Variants in PTPRD observed in about 807,000 individuals in gnomAD.
PTPRD encodes the protein protein tyrosine phosphatase receptor type D.
PTPRD carries 34 observed loss-of-function variants against 214.5 expected under a neutral mutation model. That is an observed-to-expected ratio of 0.16 (90% CI 0.12 to 0.21). The LOEUF is 0.21. Ranked by LOEUF, PTPRD falls within the 10% of genes least tolerant of loss-of-function variation. The pLI is 1.00. For synonymous variants in PTPRD, 1,128 were observed against 845.7 expected, an observed-to-expected ratio of 1.33 and a Z score of -5.79; for missense variants, 2,545 against 2,398.7, an observed-to-expected ratio of 1.06 and a Z score of -1.27.
chr9:9,521,689 G>C (rs1433734225), intron 8 of PTPRD, among the ~76,000 whole-genome samples: 1 of 152,108 alleles, frequency 6.6e-6, no homozygotes, highest in African/African-American at 2.4e-5. Context: ...ACATACACAT[G>C]TATGGTCAGA....
chr9:10,499,361 T>G (rs1201632176), intron 2 of PTPRD, among the ~76,000 whole-genome samples: 1 of 151,864 alleles, frequency 6.6e-6, no homozygotes, highest in East Asian at 1.9e-4. Context: ...ACTCGATAGA[T>G]TATTATTACT....
intron 39 of PTPRD, among the ~76,000 whole-genome samples, chr9:8,364,433 C>G (rs1291484759): frequency 6.6e-6 from 1 of 152,186 alleles, no homozygotes; most frequent in Non-Finnish European, 1.5e-5. Flanking sequence ...GAAGAGGTAA[C>G]AATAGCATCT....
At chr9:8,724,549 G>A (rs992415338) in intron 12 of PTPRD, among the ~76,000 whole-genome samples, 1 of 152,076 alleles carries the variant, frequency 6.6e-6, no homozygotes, top group Non-Finnish European at 1.5e-5. Flanking sequence ...TCCTATAGCA[G>A]CTTAAAAATA....
chr9:8,917,669 T>A (rs1269437681), intron 11 of PTPRD, among the ~76,000 whole-genome samples: 1 of 152,204 alleles, frequency 6.6e-6, no homozygotes, highest in East Asian at 1.9e-4. Flanking sequence ...TGCTCTAATT[T>A]TTCTGAATAT....
In PTPRD at chr9:8,316,678, T is replaced by TAACAAACA. The variant is rs549255282; in HGVS notation, c.*1188_*1195dup. The TAACAAACA allele has an allele frequency of 4.3e-6, 1 of 230,306 alleles. No individual in the cohort carries two copies. Among genetic ancestry groups the TAACAAACA allele is most frequent in the Non-Finnish European group, 8.6e-6 (1 of 116,120 alleles). The allele number at this position is 230,306 out of a possible 1,614,324, so 14.3% of individuals were successfully genotyped here. A position where few individuals can be genotyped will look rare whatever the true frequency, so the allele number is the denominator to read the frequency against. ...TATTGAACTTTGTTGGAAGCCTGAC[T>TAACAAACA]AACAAACAAACAAAACAATTTGTGG... On this transcript the variant is annotated 3_prime_UTR_variant, in exon 46 of 46. Coordinates refer to ENST00000381196, the MANE Select transcript of PTPRD (RefSeq NM_002839.4).
intron 12 of PTPRD, among the ~76,000 whole-genome samples, chr9:8,725,001 A>G (rs1384600438): frequency 2.0e-5 from 3 of 152,142 alleles, no homozygotes; most frequent in African/African-American, 7.2e-5. Context: ...TCTAAATAAC[A>G]CATGTAGTTT....
intron 7 of PTPRD, among the ~76,000 whole-genome samples, chr9:9,720,865 G>A (rs1292478319): frequency 2.0e-5 from 3 of 152,130 alleles, no homozygotes; most frequent in South Asian, 4.1e-4. Flanking sequence ...AGTGGAGGAT[G>A]TTATCCTTAG....
At chr9:10,540,800 A>G (rs180812405) in intron 2 of PTPRD, among the ~76,000 whole-genome samples, 2 of 152,170 alleles carry the variant, frequency 1.3e-5, no homozygotes, top group African/African-American at 2.4e-5. Context: ...TGGTGTGTAG[A>G]CTCAGACTAG....
Position 9,760,338 on chromosome 9 carries a change from C to G in PTPRD, c.-326+6472G>C, listed in dbSNP as rs538116863. Among the ~76,000 whole-genome samples, 22 of 151,952 alleles carry G rather than the reference C, an allele frequency of 1.4e-4. No individual in the cohort carries two copies. In the South Asian group the frequency reaches 4.6e-3, roughly 32 times the overall value. On this transcript the variant is annotated intron_variant, in intron 6 of 45. Coordinates refer to ENST00000381196, the MANE Select transcript of PTPRD (RefSeq NM_002839.4). ...TTAGTGTTTTATGTAAGACAAAGTC[C>G]AGGAAATAGAAGAGTATTTATTTAC...
Position 9,952,860 on chromosome 9 carries a change from TCA to T in PTPRD, c.-471-14252_-471-14251del, listed in dbSNP as rs573990919. Among the ~76,000 whole-genome samples the T allele has an allele frequency of 7.2e-5, 11 of 152,266 alleles. No individual in the cohort carries two copies. The South Asian group carries it at 2.1e-3, about 29-fold the overall frequency. On this transcript the variant is annotated intron_variant, in intron 4 of 45. Coordinates refer to ENST00000381196, the MANE Select transcript of PTPRD (RefSeq NM_002839.4). ...CCACTGCACAGTGTTTCTGATCTGT[TCA>T]CTTATCTGGCTGCTATTTCCCTTAA...
At chr9:9,112,409 C>G (rs894088239) in intron 10 of PTPRD, among the ~76,000 whole-genome samples, 1 of 152,102 alleles carries the variant, frequency 6.6e-6, no homozygotes, top group African/African-American at 2.4e-5. Context: ...ACTGACTGCT[C>G]GCTGCTTTTT....
At chr9:8,573,723 A>G (rs2091753281) in intron 14 of PTPRD, among the ~76,000 whole-genome samples, 1 of 152,004 alleles carries the variant, frequency 6.6e-6, no homozygotes, top group South Asian at 2.1e-4. Context: ...AATTTTTATC[A>G]CATTAGAAAA....
At chr9:8,824,037 G>A (rs1365543651) in intron 11 of PTPRD, among the ~76,000 whole-genome samples, 3 of 152,182 alleles carry the variant, frequency 2.0e-5, no homozygotes, top group Non-Finnish European at 4.4e-5. Flanking sequence ...TGGTGGGAGT[G>A]TAGCAGTGAA....
At chr9:9,351,757 G>C (rs1348952247) in intron 9 of PTPRD, among the ~76,000 whole-genome samples, 4 of 152,014 alleles carry the variant, frequency 2.6e-5, no homozygotes, top group African/African-American at 9.7e-5. Context: ...GATTATAAGG[G>C]TCAGGAGCGT....
intron 2 of PTPRD, among the ~76,000 whole-genome samples, chr9:10,417,874 G>A: frequency 6.6e-6 from 1 of 151,024 alleles, no homozygotes; most frequent in East Asian, 2.0e-4. Flanking sequence ...CAGCACTTCA[G>A]TTTTAACATA....
intron 9 of PTPRD, among the ~76,000 whole-genome samples, chr9:9,377,627 A>G (rs946052709): frequency 1.3e-5 from 2 of 152,144 alleles, no homozygotes; most frequent in African/African-American, 4.8e-5. Context: ...TTTACATAAA[A>G]CTAAAGCTTC....
intron 8 of PTPRD, among the ~76,000 whole-genome samples, chr9:9,540,814 T>C (rs2077432826): frequency 1.3e-5 from 2 of 151,736 alleles, no homozygotes; most frequent in Admixed American, 6.6e-5. Flanking sequence ...CCCTGAAGTA[T>C]TAAGTATAGG....
intron 9 of PTPRD, among the ~76,000 whole-genome samples, chr9:9,363,462 A>C (rs1256668820): frequency 6.6e-6 from 1 of 151,414 alleles, no homozygotes; most frequent in Admixed American, 6.6e-5. Flanking sequence ...TTTTGCTATG[A>C]GTTGTAGCAT....
chr9:9,714,639 T>C (rs1017694617), intron 7 of PTPRD, among the ~76,000 whole-genome samples: 2 of 152,050 alleles, frequency 1.3e-5, no homozygotes, highest in Admixed American at 1.3e-4. Context: ...AACAAATAAA[T>C]AAAAAACATT....
Sources: gnomAD v4.1 joint callset for allele counts (sites outside exome capture counted in the v4.1 genomes callset) on GRCh38, gnomAD v4.1.1 for gene constraint, MANE v1.5 for transcripts, NCBI Gene and HGNC (gene_info 2026-07-23, HGNC 2026-07-21) for gene names.